DNAJC1: variants seen among roughly 807,000 people sequenced by gnomAD.
DNAJC1 encodes the protein DnaJ heat shock protein family (Hsp40) member C1, also known as dnaJ homolog subfamily C member 1.
Under a neutral mutation model 76.6 loss-of-function variants are expected in DNAJC1, and 58 were observed. That is an observed-to-expected ratio of 0.76 (90% confidence interval 0.61 to 0.94). The LOEUF (loss-of-function observed/expected upper bound fraction) is 0.94, where lower values mean the gene tolerates loss of function less well. Among genes scored for constraint, DNAJC1 ranks in the 40% least tolerant of loss-of-function variants. DNAJC1 has a pLI of 0.00. For missense variants in DNAJC1, 689 were observed against 677.3 expected (o/e 1.02, Z -0.19); for synonymous variants, 258 against 267.9 (o/e 0.96, Z 0.36).
At chr10:21,909,280 A>G (rs966632234) in intron 6 of DNAJC1, among the ~76,000 whole-genome samples, 4 of 152,250 alleles carry the variant, frequency 2.6e-5, no homozygotes, top group African/African-American at 9.6e-5. Context: ...TAACTTAAAT[A>G]ATGTATGAGT....
intron 10 of DNAJC1, among the ~76,000 whole-genome samples, chr10:21,763,565 G>GTTT (rs34169717): frequency 7.9e-5 from 10 of 127,338 alleles, no homozygotes; most frequent in East Asian, 2.2e-4. Flanking sequence ...TGTGCAGGTT[G>GTTT]TTTTTTTTTT....
At chr10:21,984,413 T>C (rs764005662) in intron 1 of DNAJC1, among the ~76,000 whole-genome samples, 15 of 152,302 alleles carry the variant, frequency 9.8e-5, no homozygotes, top group Non-Finnish European at 2.1e-4. Flanking sequence ...TTGCAAGATA[T>C]CTGGTACAGT....
At chr10:21,854,398 T>C (rs979297313) in intron 8 of DNAJC1, among the ~76,000 whole-genome samples, 1 of 151,856 alleles carries the variant, frequency 6.6e-6, no homozygotes, top group Non-Finnish European at 1.5e-5. Flanking sequence ...TAGTTGTATT[T>C]TAAATATTAT....
chr10:21,763,519 T>G (rs1342562466), intron 10 of DNAJC1, among the ~76,000 whole-genome samples: 1 of 151,330 alleles, frequency 6.6e-6, no homozygotes, highest in Non-Finnish European at 1.5e-5. Flanking sequence ...CACTTTTCAT[T>G]GCATTCCCTT....
Position 21,900,160 on chromosome 10 carries a change from TG to T in DNAJC1, c.820+4361del, listed in dbSNP as rs1270714294. ...GAGTTCGAGACCAGTCTGGACAACA[TG>T]GTGAAACCCCGTTTCTATTAAAAAT... On this transcript the variant is annotated intron_variant, in intron 7 of 11. Coordinates refer to ENST00000376980, the MANE Select transcript of DNAJC1 (RefSeq NM_022365.4). 2.0e-5 allele frequency among the ~76,000 whole-genome samples: 3 copies of T among 151,964 alleles called. No individual in the cohort carries two copies. In the East Asian group the frequency reaches 5.8e-4, roughly 29 times the overall value.
At chr10:21,836,887 C>T (rs921565485) in intron 8 of DNAJC1, among the ~76,000 whole-genome samples, 3 of 152,026 alleles carry the variant, frequency 2.0e-5, no homozygotes, top group Non-Finnish European at 4.4e-5. Context: ...TGGGAGAGCT[C>T]CCTCTCCCTC....
In DNAJC1 at chr10:21,884,782, T is replaced by A. The variant is rs144358382; in HGVS notation, c.821-2343A>T. Among the ~76,000 whole-genome samples the A allele has an allele frequency of 4.2e-3, 638 of 152,280 alleles. 3 individuals carry two copies. The highest frequency in any genetic ancestry group is 0.014 in the African/African-American group (592 of 41,564). On this transcript the variant is annotated intron_variant, in intron 7 of 11. Coordinates refer to ENST00000376980, the MANE Select transcript of DNAJC1 (RefSeq NM_022365.4). Reference sequence around the variant, plus strand: ...ACATATAGAGAATCAGTTATTTTTTTAAAAAGCAAATAAATTCAATTGTTT... The same window carrying A: ...ACATATAGAGAATCAGTTATTTTTTAAAAAAGCAAATAAATTCAATTGTTT...
At chr10:21,806,146 A>G in intron 8 of DNAJC1, 47 bp from the exon 9 acceptor site, 1 of 1,550,802 alleles carries the variant, frequency 6.4e-7, no homozygotes, top group Non-Finnish European at 8.7e-7. Flanking sequence ...GGAGAAAATA[A>G]AAAGATAATT....
chr10:21,761,680 G>C (rs930411389), intron 10 of DNAJC1, among the ~76,000 whole-genome samples: 1 of 152,122 alleles, frequency 6.6e-6, no homozygotes, highest in Non-Finnish European at 1.5e-5. Context: ...TGGAGTGTGA[G>C]TGTGTGAACG....
At chr10:21,916,252 G>A (rs879846772) in intron 6 of DNAJC1, among the ~76,000 whole-genome samples, 1 of 152,122 alleles carries the variant, frequency 6.6e-6, no homozygotes, top group Admixed American at 6.5e-5. Context: ...TTAGCACTTT[G>A]GCTGAGGTGG....
At chr10:21,860,167 GAAAA>G (rs78083477) in intron 8 of DNAJC1, among the ~76,000 whole-genome samples, 1 of 80,848 alleles carries the variant, frequency 1.2e-5, no homozygotes, top group African/African-American at 4.6e-5. Flanking sequence ...ATGAAAAGGA[GAAAA>G]AAAAAAAAAA....
intron 9 of DNAJC1, among the ~76,000 whole-genome samples, chr10:21,802,595 C>T (rs1358010292): frequency 6.6e-6 from 1 of 152,080 alleles, no homozygotes; most frequent in Non-Finnish European, 1.5e-5. Context: ...ATTATAAAAG[C>T]CTGTTTAAAT....
intron 9 of DNAJC1, among the ~76,000 whole-genome samples, chr10:21,788,445 G>A (rs1211621792): frequency 1.3e-5 from 2 of 152,192 alleles, no homozygotes; most frequent in Non-Finnish European, 2.9e-5. Flanking sequence ...CAGTGGCTAA[G>A]CTCAGACACC....
At position 21,914,257 on chromosome 10, in the gene DNAJC1, T is replaced by C. The variant is rs542512428; in HGVS notation, c.729+4522A>G. On this transcript the variant is annotated intron_variant, in intron 6 of 11. Coordinates refer to ENST00000376980, the MANE Select transcript of DNAJC1 (RefSeq NM_022365.4). ...TATAATAGCTTTTCACTGTTTGGCTTTGTTCTTCTATCACTTCTTATAATT... is the reference window on the plus strand; with the variant it reads ...TATAATAGCTTTTCACTGTTTGGCTCTGTTCTTCTATCACTTCTTATAATT... Among the ~76,000 whole-genome samples the C allele has an allele frequency of 5.3e-5, 8 of 152,348 alleles. No homozygotes were observed. The East Asian group carries it at 1.3e-3, about 26-fold the overall frequency.
chr10:21,862,198 G>C (rs1251459342), intron 8 of DNAJC1, among the ~76,000 whole-genome samples: 1 of 150,902 alleles, frequency 6.6e-6, no homozygotes, highest in African/African-American at 2.4e-5. Context: ...GATTACAGGC[G>C]TGAGCCACCG....
At chr10:21,974,663 C>T (rs1838033620) in intron 1 of DNAJC1, among the ~76,000 whole-genome samples, 1 of 152,162 alleles carries the variant, frequency 6.6e-6, no homozygotes, top group Non-Finnish European at 1.5e-5. Context: ...ACACTGCCTT[C>T]GTTACCTGCT....
chr10:21,797,706 A>C (rs1834764904), intron 9 of DNAJC1, among the ~76,000 whole-genome samples: 1 of 152,232 alleles, frequency 6.6e-6, no homozygotes, highest in South Asian at 2.1e-4. Flanking sequence ...TAAAAGGATG[A>C]GTTCAGCTCC....
At chr10:21,920,108 G>A (rs944488260) in intron 4 of DNAJC1, among the ~76,000 whole-genome samples, 179 bp from the exon 5 acceptor site, 6 of 151,894 alleles carry the variant, frequency 4.0e-5, no homozygotes, top group Non-Finnish European at 7.4e-5. Flanking sequence ...ATGGTATCCA[G>A]GCCTTAAACA....
intron 9 of DNAJC1, among the ~76,000 whole-genome samples, chr10:21,770,167 AC>A (rs1434639961): frequency 6.6e-6 from 1 of 151,960 alleles, no homozygotes; most frequent in Non-Finnish European, 1.5e-5. Flanking sequence ...TCAGACCTCC[AC>A]CACCTGCACT....
Sources: allele counts gnomAD v4.1 joint callset (sites outside exome capture counted in the v4.1 genomes callset), GRCh38; gene constraint gnomAD v4.1.1; transcripts MANE v1.5; gene names NCBI Gene and HGNC (gene_info 2026-07-23, HGNC 2026-07-21).